The following PCDH15 variants were observed in gnomAD, a reference collection of about 807,000 sequenced individuals.
The protein encoded by PCDH15 is protocadherin-15.
In PCDH15, 129 loss-of-function variants were observed where a neutral mutation model predicts 178.5. That is an observed-to-expected ratio of 0.72 (90% CI 0.63 to 0.84). PCDH15 has a LOEUF of 0.84. Ranked by LOEUF, PCDH15 falls within the 40% of genes least tolerant of loss-of-function variation. The pLI is 0.00. For synonymous variants in PCDH15, 800 were observed against 732.0 expected, an observed-to-expected ratio of 1.09 and a Z score of -1.50; for missense variants, 2,230 against 2,099.9, an observed-to-expected ratio of 1.06 and a Z score of -1.21.
chr10:55,410,859 T>C (rs555272489), intron 2 of PCDH15, among the ~76,000 whole-genome samples: 2 of 152,226 alleles, frequency 1.3e-5, no homozygotes, highest in South Asian at 2.1e-4. Flanking sequence ...TTGCGTTTTC[T>C]AGGGCTATTA....
chr10:53,932,240 G>A (rs1450078756), intron 25 of PCDH15, among the ~76,000 whole-genome samples: 6 of 152,166 alleles, frequency 3.9e-5, no homozygotes, highest in African/African-American at 9.7e-5. Flanking sequence ...CACTCCTTCA[G>A]GTAATCCTAC....
chr10:55,022,454 A>C (rs1840354794), intron 2 of PCDH15, among the ~76,000 whole-genome samples: 1 of 127,720 alleles, frequency 7.8e-6, no homozygotes, highest in South Asian at 2.4e-4. Context: ...TCTGTCTCCA[A>C]AAAAAAAAAA....
intron 2 of PCDH15, among the ~76,000 whole-genome samples, chr10:55,067,178 T>A: frequency 6.6e-6 from 1 of 151,984 alleles, no homozygotes; most frequent in East Asian, 1.9e-4. Flanking sequence ...TCAAACATTG[T>A]AACTTATTTC....
At chr10:54,666,341 T>G (rs56269938) in intron 1 of PCDH15, among the ~76,000 whole-genome samples, 31,734 of 151,992 alleles carry the variant, frequency 0.21, 3,533 homozygotes, top group Middle Eastern at 0.26. Context: ...GGTTATAAAC[T>G]GGTGAGTGTC....
intron 2 of PCDH15, among the ~76,000 whole-genome samples, chr10:55,484,321 A>T (rs1174953633): frequency 6.6e-6 from 1 of 151,790 alleles, no homozygotes; most frequent in Non-Finnish European, 1.5e-5. Flanking sequence ...AAATTTATAA[A>T]AGTTGTCTAT....
At chr10:55,447,119 C>G (rs1225105123) in intron 2 of PCDH15, among the ~76,000 whole-genome samples, 2 of 151,868 alleles carry the variant, frequency 1.3e-5, no homozygotes, top group African/African-American at 4.8e-5. Flanking sequence ...AATAACAATA[C>G]AAATCAAGTA....
intron 1 of PCDH15, among the ~76,000 whole-genome samples, chr10:55,173,544 T>C (rs1034691089): frequency 9.2e-5 from 14 of 152,248 alleles, no homozygotes; most frequent in African/African-American, 3.4e-4. Flanking sequence ...ACATGTGTGG[T>C]TGAAAGCTTT....
chr10:54,747,391 T>C (rs1037293990), intron 1 of PCDH15, among the ~76,000 whole-genome samples: 1 of 152,220 alleles, frequency 6.6e-6, no homozygotes, highest in African/African-American at 2.4e-5. Flanking sequence ...CAAAGACTTA[T>C]ACAATAAATA....
At chr10:54,105,093 C>T (rs1590462267) in intron 15 of PCDH15, among the ~76,000 whole-genome samples, 1 of 150,774 alleles carries the variant, frequency 6.6e-6, no homozygotes, top group South Asian at 2.1e-4. Flanking sequence ...AAGTACTTAG[C>T]ATTTTTTGAT....
chr10:54,359,099 A>G (rs1239412431), intron 5 of PCDH15, among the ~76,000 whole-genome samples: 1 of 151,780 alleles, frequency 6.6e-6, no homozygotes, highest in Non-Finnish European at 1.5e-5. Flanking sequence ...AGCATGGCAC[A>G]TGTGTACATA....
Position 54,250,077 on chromosome 10 carries a change from CT to C in PCDH15, c.877-13147del, listed in dbSNP as rs773771288. Among the ~76,000 whole-genome samples, 627 of 137,596 alleles carry C rather than the reference CT, an allele frequency of 4.6e-3. 1 individual carries two copies. Among genetic ancestry groups the C allele is most frequent in the Non-Finnish European group, 6.1e-3 (390 of 63,736 alleles). The allele number at this position is 137,596 out of a possible 152,430, so 90.3% of individuals were successfully genotyped here. On this transcript the variant is annotated intron_variant, in intron 8 of 37. Coordinates refer to ENST00000644397, the MANE Select transcript of PCDH15 (RefSeq NM_001384140.1). ...TACAGGTGCATGCCACCACATCCGG[CT>C]TTTTTTTTTTTTGTATTATTGGTTT...
intron 4 of PCDH15, among the ~76,000 whole-genome samples, chr10:54,376,095 G>A (rs11004266): frequency 0.15 from 21,885 of 150,254 alleles, 1,786 homozygotes; most frequent in Middle Eastern, 0.22. Flanking sequence ...GGTTTTCACC[G>A]TGTTGGCCAG....
At chr10:53,867,530 G>T (rs1329484007) in intron 26 of PCDH15, among the ~76,000 whole-genome samples, 2 of 152,014 alleles carry the variant, frequency 1.3e-5, no homozygotes, top group African/African-American at 4.8e-5. Context: ...TTTAAAAATA[G>T]ATTTTAAAAA....
rs370365452 is a variant in PCDH15, at chr10:54,483,554, G to A, written c.157+44258C>T. Among the ~76,000 whole-genome samples the A allele has an allele frequency of 2.7e-4, 41 of 151,776 alleles. No individual in the cohort carries two copies. In the East Asian group the frequency reaches 3.9e-3, roughly 14 times the overall value. On this transcript the variant is annotated intron_variant, in intron 3 of 37. Coordinates refer to ENST00000644397, the MANE Select transcript of PCDH15 (RefSeq NM_001384140.1). Reference sequence around the variant, plus strand: ...TTGAGATTCTCAGTGAGGTCATAGTGTAATGGAGAAAAAATAGGTCTGCGA... The same window carrying A: ...TTGAGATTCTCAGTGAGGTCATAGTATAATGGAGAAAAAATAGGTCTGCGA...
intron 2 of PCDH15, among the ~76,000 whole-genome samples, chr10:55,030,877 G>C (rs1840593388): frequency 6.6e-6 from 1 of 151,988 alleles, no homozygotes; most frequent in African/African-American, 2.4e-5. Context: ...AATGGTAAAA[G>C]AAGCAAGCTG....
intron 2 of PCDH15, among the ~76,000 whole-genome samples, chr10:55,414,970 G>A (rs773632899): frequency 7.9e-5 from 12 of 151,570 alleles, no homozygotes; most frequent in Non-Finnish European, 1.3e-4. Context: ...TTCAGTAGAA[G>A]TGACAAAAAT....
chr10:54,129,452 G>C (rs1038467968), intron 15 of PCDH15, among the ~76,000 whole-genome samples: 1 of 152,066 alleles, frequency 6.6e-6, no homozygotes, highest in African/African-American at 2.4e-5. Flanking sequence ...TATTCTGAAG[G>C]GAAGTAGAAA....
chr10:54,940,936 A>G (rs1375249046), intron 2 of PCDH15, among the ~76,000 whole-genome samples: 2 of 152,132 alleles, frequency 1.3e-5, no homozygotes, highest in East Asian at 1.9e-4. Context: ...TATAGACAAT[A>G]TAAAGTAGGA....
intron 1 of PCDH15, among the ~76,000 whole-genome samples, chr10:54,726,150 C>A (rs1040394737): frequency 1.3e-5 from 2 of 150,942 alleles, no homozygotes; most frequent in Admixed American, 6.6e-5. Flanking sequence ...ATACTACATG[C>A]CTTTTATAAC....
Sources: allele counts gnomAD v4.1 joint callset (sites outside exome capture counted in the v4.1 genomes callset), GRCh38; gene constraint gnomAD v4.1.1; transcripts MANE v1.5; gene names NCBI Gene and HGNC (gene_info 2026-07-23, HGNC 2026-07-21).